THADA: variants seen among roughly 807,000 people sequenced by gnomAD.
THADA encodes THADA armadillo repeat containing, also known as tRNA (32-2'-O)-methyltransferase regulator THADA.
Under a neutral mutation model 219.8 loss-of-function variants are expected in THADA, and 213 were observed. That is an observed-to-expected ratio of 0.97 (90% CI 0.87 to 1.09). THADA has a LOEUF of 1.09. Ranked by LOEUF, THADA falls within the 50% of genes least tolerant of loss-of-function variation. The pLI is 0.00. For missense variants in THADA, 2,956 were observed against 2,311.3 expected, an observed-to-expected ratio of 1.28 and a Z score of -5.72; for synonymous variants, 1,018 against 828.9, an observed-to-expected ratio of 1.23 and a Z score of -3.92.
At chr2:43,544,862 T>G (rs937589534) in intron 20 of THADA, among the ~76,000 whole-genome samples, 1 of 149,754 alleles carries the variant, frequency 6.7e-6, no homozygotes, top group East Asian at 2.0e-4. Context: ...CTGAATACCC[T>G]TTATTTCCTT....
In THADA at chr2:43,430,250, G is replaced by A. The variant is rs1241096347; in HGVS notation, c.3889C>T (p.Leu1297Phe). Residue 1297 changes from leucine to phenylalanine, a missense_variant, in exon 27 of 38, where the codon CTC becomes TTC. Transcript: ENST00000405975. ...SRFPELYPFLLKQLETVANTV... is the reference protein window; with the variant it reads ...SRFPELYPFLFKQLETVANTV... Reference sequence around the variant, plus strand: ...TTGGCTACAGTTTCCAACTGTTTGAGAAGAAAAGGATAGAGTTCTGGGAAA... The same window carrying A: ...TTGGCTACAGTTTCCAACTGTTTGAAAAGAAAAGGATAGAGTTCTGGGAAA... 3.9e-6 allele frequency: 6 copies of A among 1,552,044 alleles called. No individual in the cohort carries two copies. The highest frequency in any genetic ancestry group is 1.7e-4 in the Middle Eastern group (1 of 5,968).
At chr2:43,561,806 G>A (rs1260219366) in intron 15 of THADA, among the ~76,000 whole-genome samples, 1 of 152,118 alleles carries the variant, frequency 6.6e-6, no homozygotes, top group African/African-American at 2.4e-5. Flanking sequence ...GATGACAGTG[G>A]GCATCTGTGT....
At position 43,556,495 on chromosome 2, in the gene THADA, G is replaced by A. The variant is rs201048944; in HGVS notation, c.2524C>T (p.Pro842Ser). The A allele has an allele frequency of 2.4e-5, 39 of 1,613,898 alleles. No homozygotes were observed. The East Asian group carries it at 3.1e-4, about 13-fold the overall frequency. The change falls in exon 17 of 38, where the codon CCA (proline) becomes TCA (serine). Residue 842 changes from proline to serine, a missense_variant. Physicochemically the swap from Pro to Ser is moderately conservative, Grantham distance 74. Coordinates refer to ENST00000405975, the MANE Select transcript of THADA (RefSeq NM_022065.5). ...AALELSTSTK[P>S]YDCVTASYLL... ...TAGGAAGCTGTCACACAGTCGTATG[G>A]TTTGGTGCTTGTGCTGAGCTCCAAT...
intron 7 of THADA, among the ~76,000 whole-genome samples, chr2:43,583,721 G>T (rs956185318): frequency 8.6e-5 from 13 of 152,022 alleles, no homozygotes; most frequent in African/African-American, 2.9e-4. Context: ...ATATTATTCG[G>T]CCACAAAAAG....
intron 30 of THADA, chr2:43,343,771 C>T (rs1275521943): frequency 1.2e-5 from 2 of 170,648 alleles, no homozygotes; most frequent in East Asian, 3.1e-4. Flanking sequence ...TCTGAGTTGC[C>T]ACGGCACCTA....
rs953591728 is a variant in THADA, at chr2:43,502,838, A to G, written c.3621+2784T>C. 2.6e-5 allele frequency among the ~76,000 whole-genome samples: 4 copies of G among 152,054 alleles called. No individual in the cohort carries two copies. The East Asian group carries it at 7.7e-4, about 29-fold the overall frequency. ...TCAAAAAGAAATCAATATCAAGAAA[A>G]TATTTTTGAAACAACAATAAAAATC... On this transcript the variant is annotated intron_variant, in intron 24 of 37. Transcript: ENST00000405975.
rs1574236422 is a variant in THADA, at chr2:43,555,151, C to T, written c.2674+1194G>A. Among the ~76,000 whole-genome samples, 3 of 151,458 alleles carry T rather than the reference C, an allele frequency of 2.0e-5. No homozygotes were observed. In the East Asian group the frequency reaches 5.8e-4, roughly 29 times the overall value. On this transcript the variant is annotated intron_variant, in intron 17 of 37. Transcript: ENST00000405975. Reference sequence around the variant, plus strand: ...ATTCATAAATTGTGGTAAATCTGTACAATATATACAGTAAGTACTACTGAG... The same window carrying T: ...ATTCATAAATTGTGGTAAATCTGTATAATATATACAGTAAGTACTACTGAG...
At chr2:43,428,028 TAAG>T (rs1163632299) in intron 28 of THADA, 69 bp downstream of exon 28, 58 of 1,037,296 alleles carry the variant, frequency 5.6e-5, no homozygotes, top group East Asian at 7.1e-5. Flanking sequence ...GTTTCTGAAA[TAAG>T]AAGAAGATAA....
rs767117986 is a variant in THADA at position 43,397,961 on chromosome 2, C to T, written c.4227+10G>A. 2 of 1,613,410 alleles carry T rather than the reference C, an allele frequency of 1.2e-6. No homozygotes were observed. The highest frequency in any genetic ancestry group is 1.3e-5 in the African/African-American group (1 of 74,926). On this transcript the variant is annotated intron_variant, in intron 29 of 37. Transcript: ENST00000405975. ...GTTTGACAGAAGTCACACAAAGCAA[C>T]TTTACTTACCTGGAGAAGTGTCCCA...
At chr2:43,392,908 C>G (rs1393565297) in intron 29 of THADA, among the ~76,000 whole-genome samples, 2 of 152,202 alleles carry the variant, frequency 1.3e-5, no homozygotes, top group African/African-American at 4.8e-5. Context: ...GCTACAGTGT[C>G]TGCTGAATTA....
At chr2:43,430,499 C>G (rs1239309261) in intron 26 of THADA, 197 bp from the exon 27 acceptor site, 3 of 550,840 alleles carry the variant, frequency 5.4e-6, no homozygotes, top group Non-Finnish European at 9.8e-6. Context: ...TGCTCTCAAT[C>G]CATGAACTTT....
intron 16 of THADA, 42 bp from the exon 17 acceptor site, chr2:43,556,597 C>A (rs753465539): frequency 3.2e-6 from 5 of 1,556,528 alleles, no homozygotes; most frequent in Admixed American, 3.7e-5. Flanking sequence ...AATTAAAGAT[C>A]TCTTTAATTT....
chr2:43,294,416 C>G (rs1675113184), intron 31 of THADA, among the ~76,000 whole-genome samples: 1 of 152,154 alleles, frequency 6.6e-6, no homozygotes, highest in Non-Finnish European at 1.5e-5. Context: ...GGCAGGGGAA[C>G]CAGCTGAGCA....
At chr2:43,503,941 A>G (rs1178546022) in intron 24 of THADA, among the ~76,000 whole-genome samples, 1 of 152,192 alleles carries the variant, frequency 6.6e-6, no homozygotes, top group East Asian at 1.9e-4. Flanking sequence ...TCTGAAATCA[A>G]AAAAGCTCCA....
chr2:43,415,406 A>G (rs1457469002), intron 28 of THADA, among the ~76,000 whole-genome samples: 3 of 152,162 alleles, frequency 2.0e-5, no homozygotes, highest in African/African-American at 7.2e-5. Flanking sequence ...CAGTGGCATC[A>G]TTCCTAGGGA....
chr2:43,404,989 G>C (rs1248798942), intron 28 of THADA, among the ~76,000 whole-genome samples: 4 of 152,180 alleles, frequency 2.6e-5, no homozygotes. Flanking sequence ...TTTTTCTCTA[G>C]TGTTCTTTGT....
At chr2:43,579,175 T>C (rs373258443) in intron 8 of THADA, among the ~76,000 whole-genome samples, 2 of 152,228 alleles carry the variant, frequency 1.3e-5, no homozygotes, top group East Asian at 3.9e-4. Flanking sequence ...TCAATAAACG[T>C]GATTCCTTCC....
intron 29 of THADA, among the ~76,000 whole-genome samples, chr2:43,360,505 A>G (rs1260738899): frequency 6.6e-6 from 1 of 152,206 alleles, no homozygotes; most frequent in African/African-American, 2.4e-5. Flanking sequence ...GTCCTAGCCT[A>G]CTGACATGTC....
Position 43,592,269 on chromosome 2 carries a change from C to T in THADA, c.76+48G>A, listed in dbSNP as rs373846958. Reference sequence around the variant, plus strand: ...GGGTCCCAGTCATTAAAATACTCTGCTTGCAAACTAGAAAAAAATATAATA... The same window carrying T: ...GGGTCCCAGTCATTAAAATACTCTGTTTGCAAACTAGAAAAAAATATAATA... On this transcript the variant is annotated intron_variant, in intron 2 of 37. Coordinates refer to ENST00000405975, the MANE Select transcript of THADA (RefSeq NM_022065.5). The T allele has an allele frequency of 1.2e-4, 172 of 1,406,200 alleles. No homozygotes were observed. The African/African-American group carries it at 2.2e-3, about 18-fold the overall frequency. The allele number at this position is 1,406,200 out of a possible 1,614,324, so 87.1% of individuals were successfully genotyped here. A position where few individuals can be genotyped will look rare whatever the true frequency, so the allele number is the denominator to read the frequency against.
Sources: gnomAD v4.1 joint callset for allele counts (sites outside exome capture counted in the v4.1 genomes callset) on GRCh38, gnomAD v4.1.1 for gene constraint, MANE v1.5 for transcripts, NCBI Gene and HGNC (gene_info 2026-07-23, HGNC 2026-07-21) for gene names.